CAMTA1: variants seen among roughly 807,000 people sequenced by gnomAD.
CAMTA1 encodes calmodulin binding transcription activator 1, also known as calmodulin-binding transcription activator 1.
A neutral mutation model predicts 170.9 loss-of-function variants in CAMTA1; 27 were observed. The ratio of observed to expected loss-of-function variants is 0.16; its 90% confidence interval spans 0.12 to 0.22. The LOEUF (loss-of-function observed/expected upper bound fraction) is 0.22. Ranked by LOEUF, CAMTA1 falls within the 10% of genes least tolerant of loss-of-function variation. The pLI, the probability that CAMTA1 is intolerant of heterozygous loss-of-function variation, is 1.00. For missense variants in CAMTA1, 1,619 were observed against 2,217.2 expected (o/e 0.73, Z 5.42); for synonymous variants, 833 against 891.5 (o/e 0.93, Z 1.17).
chr1:7,116,725 G>T (rs1196109284), intron 4 of CAMTA1, among the ~76,000 whole-genome samples: 1 of 150,092 alleles, frequency 6.7e-6, no homozygotes, highest in Non-Finnish European at 1.5e-5. Context: ...TCGGCTCACT[G>T]CAAGCTCCGC....
intron 1 of CAMTA1, among the ~76,000 whole-genome samples, chr1:6,786,348 G>T (rs960976171): frequency 2.6e-5 from 4 of 152,070 alleles, no homozygotes; most frequent in African/African-American, 9.7e-5. Context: ...CAGCCAGGAG[G>T]GTGGGGTCTC....
At chr1:7,731,151 A>G (rs2096730074) in intron 11 of CAMTA1, among the ~76,000 whole-genome samples, 1 of 152,156 alleles carries the variant, frequency 6.6e-6, no homozygotes, top group South Asian at 2.1e-4. Context: ...TAATCTTAGT[A>G]AAGTGGTACA....
chr1:7,306,542 A>C (rs929545328), intron 5 of CAMTA1, among the ~76,000 whole-genome samples: 2 of 152,006 alleles, frequency 1.3e-5, no homozygotes, highest in Admixed American at 6.6e-5. Flanking sequence ...GTAGGTCTAT[A>C]TAGGTCTTCA....
At chr1:6,996,193 A>C (rs1270931649) in intron 3 of CAMTA1, among the ~76,000 whole-genome samples, 1 of 152,216 alleles carries the variant, frequency 6.6e-6, no homozygotes, top group Admixed American at 6.5e-5. Context: ...CTCAGAGTCC[A>C]TTGATTGATT....
chr1:7,687,635 C>A (rs1228114697), intron 11 of CAMTA1, among the ~76,000 whole-genome samples: 2 of 152,216 alleles, frequency 1.3e-5, no homozygotes, highest in African/African-American at 2.4e-5. Flanking sequence ...CCGTCCCCTG[C>A]TTTTCCCATC....
chr1:7,650,796 T>C (rs1171792952), intron 7 of CAMTA1, among the ~76,000 whole-genome samples: 1 of 152,144 alleles, frequency 6.6e-6, no homozygotes, highest in Non-Finnish European at 1.5e-5. Context: ...GGAAATTGAA[T>C]AGTATGTGGG....
intron 5 of CAMTA1, among the ~76,000 whole-genome samples, chr1:7,276,243 C>G (rs1415702767): frequency 8.7e-6 from 1 of 115,326 alleles, no homozygotes; most frequent in Non-Finnish European, 1.7e-5. Flanking sequence ...TTCCTCAATC[C>G]AATAAAGGAA....
intron 5 of CAMTA1, among the ~76,000 whole-genome samples, chr1:7,263,862 A>G (rs1168661923): frequency 1.3e-5 from 2 of 152,354 alleles, no homozygotes; most frequent in Non-Finnish European, 2.9e-5. Flanking sequence ...CCAAGGCTGT[A>G]TATTTCAAGA....
At chr1:6,928,257 A>T (rs964639288) in intron 3 of CAMTA1, among the ~76,000 whole-genome samples, 3 of 152,160 alleles carry the variant, frequency 2.0e-5, no homozygotes, top group Non-Finnish European at 4.4e-5. Context: ...CAGAGCAGAG[A>T]ATTCCCTTTG....
chr1:6,804,766 G>A (rs2148260299), intron 1 of CAMTA1, among the ~76,000 whole-genome samples: 1 of 152,204 alleles, frequency 6.6e-6, no homozygotes, highest in Non-Finnish European at 1.5e-5. Flanking sequence ...CATGTTGCCA[G>A]GCTGGTCTTG....
intron 3 of CAMTA1, among the ~76,000 whole-genome samples, chr1:7,081,670 G>A (rs7516124): frequency 0.88 from 133,872 of 152,258 alleles, 59,246 homozygotes; most frequent in African/African-American, 0.97. Context: ...CATGACAGTG[G>A]AGAAAGCCAG....
In CAMTA1 at chr1:7,562,761, G is replaced by A. The variant is rs1487301448; in HGVS notation, c.511-77639G>A. ...TCTGCCGTTAACCCTCGCCAGGCCA[G>A]CAGTAGCCCACCCCACTTCTTGTTC... On this transcript the variant is annotated intron_variant, in intron 6 of 22. Coordinates refer to ENST00000303635, the MANE Select transcript of CAMTA1 (RefSeq NM_015215.4). The surrounding 1 kb of genome is among the most constrained non-coding windows in gnomAD (Gnocchi z 4.8). Among the ~76,000 whole-genome samples, 2 of 152,198 alleles carry A rather than the reference G, an allele frequency of 1.3e-5. No individual in the cohort carries two copies. Among genetic ancestry groups the A allele is most frequent in the Admixed American group, 1.3e-4 (2 of 15,284 alleles).
Position 7,234,059 on chromosome 1 carries a change from C to T in CAMTA1, c.303-15432C>T, listed in dbSNP as rs1462382866. On this transcript the variant is annotated intron_variant, in intron 4 of 22. Coordinates refer to ENST00000303635, the MANE Select transcript of CAMTA1 (RefSeq NM_015215.4). The surrounding 1 kb of genome is among the most constrained non-coding windows in gnomAD (Gnocchi z 5.0). ...ATTGGAGTCCTCGCTTTTCCTTCAT[C>T]GCTGTTAATACACGTGTACCCTTGG... Among the ~76,000 whole-genome samples, 2 of 152,146 alleles carry T rather than the reference C, an allele frequency of 1.3e-5. No homozygotes were observed. Among genetic ancestry groups the T allele is most frequent in the Non-Finnish European group, 2.9e-5 (2 of 68,024 alleles).
intron 5 of CAMTA1, among the ~76,000 whole-genome samples, chr1:7,465,183 G>A (rs1161391927): frequency 6.6e-6 from 1 of 152,160 alleles, no homozygotes; most frequent in Non-Finnish European, 1.5e-5. Context: ...AGCTGCCAGT[G>A]GGGAGAACTG....
chr1:7,383,168 C>G (rs1003741718), intron 5 of CAMTA1, among the ~76,000 whole-genome samples: 11 of 152,024 alleles, frequency 7.2e-5, no homozygotes, highest in African/African-American at 2.7e-4. Context: ...GGGTCGTAAC[C>G]CTGCAGGGCT....
At chr1:7,545,336 C>T (rs2094676945) in intron 6 of CAMTA1, among the ~76,000 whole-genome samples, 3 of 152,182 alleles carry the variant, frequency 2.0e-5, no homozygotes. Flanking sequence ...CTGACAAAAC[C>T]ACATCAGAAC....
At chr1:7,476,631 G>T (rs962792762) in intron 6 of CAMTA1, among the ~76,000 whole-genome samples, 8 of 152,150 alleles carry the variant, frequency 5.3e-5, no homozygotes, top group Non-Finnish European at 1.2e-4. Flanking sequence ...CAGCACCGGT[G>T]CCAGCCAGGT....
At chr1:6,869,857 C>G (rs1248047147) in intron 3 of CAMTA1, among the ~76,000 whole-genome samples, 4 of 152,122 alleles carry the variant, frequency 2.6e-5, no homozygotes, top group Non-Finnish European at 5.9e-5. Context: ...AGTCTGGTGT[C>G]TGAAACTTTT....
intron 5 of CAMTA1, among the ~76,000 whole-genome samples, chr1:7,421,102 C>T (rs1005380085): frequency 2.0e-5 from 3 of 152,190 alleles, no homozygotes; most frequent in African/African-American, 2.4e-5. Context: ...CTTGGAATAG[C>T]GGCTAGGTGC....
Sources: allele counts gnomAD v4.1 joint callset (sites outside exome capture counted in the v4.1 genomes callset), GRCh38; gene constraint gnomAD v4.1.1; non-coding constraint Gnocchi (gnomAD v3.1); transcripts MANE v1.5; gene names NCBI Gene and HGNC (gene_info 2026-07-23, HGNC 2026-07-21).